Variants in MMP16 observed in about 807,000 individuals in gnomAD.
MMP16 encodes the protein matrix metallopeptidase 16.
A neutral mutation model predicts 67.8 loss-of-function variants in MMP16; 12 were observed. The ratio of observed to expected loss-of-function variants is 0.18; its 90% confidence interval spans 0.11 to 0.29. MMP16 has a LOEUF of 0.29. Among genes scored for constraint, MMP16 ranks in the 10% least tolerant of loss-of-function variants. MMP16 has a pLI of 1.00. For synonymous variants in MMP16, 249 were observed against 255.9 expected (o/e 0.97, Z 0.26); for missense variants, 475 against 765.7 (o/e 0.62, Z 4.48).
At chr8:88,060,513 A>G (rs2118237273) in intron 7 of MMP16, among the ~76,000 whole-genome samples, 1 of 152,238 alleles carries the variant, frequency 6.6e-6, no homozygotes, top group Non-Finnish European at 1.5e-5. Flanking sequence ...GGTTCCTTTC[A>G]GTACGGGTGT....
chr8:88,038,856 T>A lies in MMP16; in HGVS notation c.*2605A>T, dbSNP rs1029346891. 2 of 152,600 alleles carry A rather than the reference T, an allele frequency of 1.3e-5. No homozygotes were observed. The highest frequency in any genetic ancestry group is 4.1e-4 in the South Asian group (2 of 4,832). The allele number at this position is 152,600 out of a possible 1,614,324, so 9.5% of individuals were successfully genotyped here. ...GCGTACATAATCTCCAATATCCTCT[T>A]AAAATATTGTCTGCATTGTATGATA... On this transcript the variant is annotated 3_prime_UTR_variant, in exon 10 of 10. Transcript: ENST00000286614. This position sits in a 1 kb window ranked among gnomAD's most constrained non-coding sequence, Gnocchi z 4.1.
chr8:88,161,469 C>G (rs991383555), intron 4 of MMP16, among the ~76,000 whole-genome samples: 3 of 152,046 alleles, frequency 2.0e-5, no homozygotes, highest in African/African-American at 2.4e-5. Context: ...TGCTAGCAGT[C>G]TATCAATTTT....
chr8:88,078,448 G>C (rs1017536960), intron 6 of MMP16, among the ~76,000 whole-genome samples: 2 of 152,068 alleles, frequency 1.3e-5, no homozygotes, highest in East Asian at 3.9e-4. Context: ...ATTCTGGCTC[G>C]TGATAGGCAT....
At chr8:88,192,436 T>C (rs1809183340) in intron 2 of MMP16, among the ~76,000 whole-genome samples, 1 of 152,200 alleles carries the variant, frequency 6.6e-6, no homozygotes, top group Non-Finnish European at 1.5e-5. Context: ...CTCTAACCAA[T>C]TCTTTCAACT....
intron 1 of MMP16, among the ~76,000 whole-genome samples, chr8:88,269,381 G>A (rs1052849251): frequency 7.9e-5 from 12 of 151,974 alleles, no homozygotes; most frequent in African/African-American, 2.9e-4. Flanking sequence ...CCTTCACAGG[G>A]CAACCAAGAT....
chr8:88,258,688 C>T (rs539669051), intron 1 of MMP16, among the ~76,000 whole-genome samples: 4 of 152,148 alleles, frequency 2.6e-5, no homozygotes, highest in Non-Finnish European at 2.9e-5. Flanking sequence ...GGAGAGCTTA[C>T]GACTCAGAAA....
intron 1 of MMP16, among the ~76,000 whole-genome samples, chr8:88,268,985 G>T (rs539919177): frequency 5.9e-5 from 9 of 152,184 alleles, no homozygotes; most frequent in Admixed American, 1.3e-4. Flanking sequence ...TGGGATGGAG[G>T]ATCTAGGCAG....
intron 1 of MMP16, among the ~76,000 whole-genome samples, chr8:88,245,787 G>T (rs1434123859): frequency 6.6e-6 from 1 of 152,126 alleles, no homozygotes; most frequent in Non-Finnish European, 1.5e-5. Flanking sequence ...ACAATATCAA[G>T]GTGTGCCTTT....
At chr8:88,094,869 A>G (rs1029531452) in intron 6 of MMP16, among the ~76,000 whole-genome samples, 1 of 151,882 alleles carries the variant, frequency 6.6e-6, no homozygotes, top group African/African-American at 2.4e-5. Context: ...ATATGCCAAC[A>G]TGAAAAAGGC....
intron 4 of MMP16, among the ~76,000 whole-genome samples, chr8:88,149,034 C>T (rs1301286140): frequency 6.6e-6 from 1 of 152,198 alleles, no homozygotes; most frequent in East Asian, 1.9e-4. Flanking sequence ...CAGGGCGAGG[C>T]ATTGCCTCAC....
intron 8 of MMP16, among the ~76,000 whole-genome samples, chr8:88,052,934 G>A (rs1586124531): frequency 6.6e-6 from 1 of 152,010 alleles, no homozygotes; most frequent in East Asian, 1.9e-4. Flanking sequence ...AAATTATCAG[G>A]GTCATTTATT....
chr8:88,255,294 C>A (rs1810284556), intron 1 of MMP16, among the ~76,000 whole-genome samples: 1 of 152,136 alleles, frequency 6.6e-6, no homozygotes, highest in African/African-American at 2.4e-5. Context: ...TACACCAGAT[C>A]CCCCTTCACC....
intron 4 of MMP16, among the ~76,000 whole-genome samples, chr8:88,161,972 C>A (rs1198716282): frequency 6.6e-6 from 1 of 151,948 alleles, no homozygotes; most frequent in East Asian, 1.9e-4. Context: ...GCTTTACTTC[C>A]AACTATATAG....
At chr8:88,245,535 T>C (rs1009220649) in intron 1 of MMP16, among the ~76,000 whole-genome samples, 1 of 152,196 alleles carries the variant, frequency 6.6e-6, no homozygotes, top group African/African-American at 2.4e-5. Context: ...GCTGGAATAC[T>C]GTCAGGTTTT....
rs1042685498 is a variant in MMP16, at chr8:88,101,989, T to C, written c.1083+14518A>G. On this transcript the variant is annotated intron_variant, in intron 6 of 9. Coordinates refer to ENST00000286614, the MANE Select transcript of MMP16 (RefSeq NM_005941.5). ...GATTCAGTGTCTAGTCACTCATTCA[T>C]AGTGTTACAATTCTTAGAGCTGCTC... 3.3e-5 allele frequency among the ~76,000 whole-genome samples: 5 copies of C among 151,868 alleles called. No individual in the cohort carries two copies. The South Asian group carries it at 6.2e-4, about 19-fold the overall frequency.
At chr8:88,069,353 A>G (rs551806467) in intron 7 of MMP16, 12 of 419,832 alleles carry the variant, frequency 2.9e-5, no homozygotes, top group Admixed American at 1.7e-4. Context: ...TAAATTTTCA[A>G]TTCCTGATTG....
intron 8 of MMP16, among the ~76,000 whole-genome samples, chr8:88,055,466 G>A (rs1285538361): frequency 3.3e-5 from 5 of 152,098 alleles, no homozygotes; most frequent in Admixed American, 6.6e-5. Context: ...CCTTGGCCTC[G>A]CAAAATGCTG....
chr8:88,156,642 T>C (rs2129664269), intron 4 of MMP16, among the ~76,000 whole-genome samples: 1 of 152,258 alleles, frequency 6.6e-6, no homozygotes, highest in East Asian at 1.9e-4. Flanking sequence ...TAAAAAGCTG[T>C]TATTAATCTT....
At chr8:88,206,338 T>C (rs1563561986) in intron 1 of MMP16, among the ~76,000 whole-genome samples, 2 of 151,422 alleles carry the variant, frequency 1.3e-5, no homozygotes, top group African/African-American at 2.4e-5. Context: ...ATGATGATGA[T>C]AAAAAAAAAT....
Sources: allele counts gnomAD v4.1 joint callset (sites outside exome capture counted in the v4.1 genomes callset), GRCh38; gene constraint gnomAD v4.1.1; non-coding constraint Gnocchi (gnomAD v3.1); transcripts MANE v1.5; gene names NCBI Gene and HGNC (gene_info 2026-07-23, HGNC 2026-07-21).